TTBK2: variants seen among roughly 807,000 people sequenced by gnomAD.
The protein encoded by TTBK2 is tau-tubulin kinase 2.
In TTBK2, 28 loss-of-function variants were observed where a neutral mutation model predicts 110.8. The observed-to-expected ratio is 0.25, with a 90% CI of 0.19 to 0.35. TTBK2 has a LOEUF of 0.35. Ranked by LOEUF, TTBK2 falls within the 10% of genes least tolerant of loss-of-function variation. TTBK2 has a pLI of 1.00. For synonymous variants in TTBK2, 532 were observed against 527.3 expected (o/e 1.01, Z -0.12); for missense variants, 1,369 against 1,500.3 (o/e 0.91, Z 1.45).
At chr15:42,787,898 C>T (rs1890477212) in intron 10 of TTBK2, among the ~76,000 whole-genome samples, 1 of 152,108 alleles carries the variant, frequency 6.6e-6, no homozygotes, top group South Asian at 2.1e-4. Flanking sequence ...CAAATGATCA[C>T]AGCGTACTTA....
rs377620628 is a variant in TTBK2 at position 42,752,266 on chromosome 15, C to T, written c.2980G>A (p.Asp994Asn). 11 of 1,614,012 alleles carry T rather than the reference C, an allele frequency of 6.8e-6. No individual in the cohort carries two copies. The highest frequency in any genetic ancestry group is 4.0e-5 in the African/African-American group (3 of 74,898). ...EKRQFKSFLG[D>N]LSSASDKLLE... is the part of the protein sequence containing the mutation. Reference sequence around the variant, plus strand: ...AATTTATCAGAGGCACTTGAGAGGTCGCCAAGGAAGGACTTGAATTGTCTT... The same window carrying T: ...AATTTATCAGAGGCACTTGAGAGGTTGCCAAGGAAGGACTTGAATTGTCTT... Residue 994 changes from aspartate (D) to asparagine (N), a missense_variant, in exon 14 of 15, where the codon GAC becomes AAC. By Grantham distance (23) the Asp-to-Asn change is conservative. This residue lies in a region of TTBK2 where 1,097 missense variants were observed against 1,114.7 expected (regional missense o/e 0.98). Coordinates refer to ENST00000267890, the MANE Select transcript of TTBK2 (RefSeq NM_173500.4).
intron 12 of TTBK2, among the ~76,000 whole-genome samples, chr15:42,776,476 CAAG>C (rs1469548312): frequency 2.0e-5 from 3 of 152,224 alleles, no homozygotes; most frequent in Non-Finnish European, 4.4e-5. Flanking sequence ...ATAGATCTCT[CAAG>C]TTTCACCTTC....
At position 42,745,714 on chromosome 15, in the gene TTBK2, T is replaced by C; in HGVS notation, c.*81A>G. On this transcript the variant is annotated 3_prime_UTR_variant, in exon 15 of 15. Coordinates refer to ENST00000267890, the MANE Select transcript of TTBK2 (RefSeq NM_173500.4). ...CAAGAGAAGATCAACACTGATTTTT[T>C]TACATAGAAAGTACAGGGACACACA... The C allele has an allele frequency of 1.3e-6, 2 of 1,528,800 alleles. No homozygotes were observed. Among genetic ancestry groups the C allele is most frequent in the Non-Finnish European group, 1.8e-6 (2 of 1,104,496 alleles). 94.7% of individuals were successfully genotyped at this position (1,528,800 alleles called of 1,614,324 possible).
chr15:42,852,978 G>A (rs913543085), intron 3 of TTBK2, among the ~76,000 whole-genome samples: 1 of 152,158 alleles, frequency 6.6e-6, no homozygotes, highest in Non-Finnish European at 1.5e-5. Flanking sequence ...TCCCACAAAA[G>A]GTCCCTGTGG....
chr15:42,759,175 G>T (rs1178074744), intron 13 of TTBK2, among the ~76,000 whole-genome samples: 1 of 152,226 alleles, frequency 6.6e-6, no homozygotes, highest in African/African-American at 2.4e-5. Context: ...CTGCACAGCA[G>T]GAAAACTAAC....
chr15:42,746,269 A>G lies in TTBK2; in HGVS notation c.3273-12T>C, dbSNP rs1374564985. On this transcript the variant is annotated splice_polypyrimidine_tract_variant and intron_variant, in intron 14 of 14. Transcript: ENST00000267890. ...TATATCTGCGTAGCCTTAAAAGAAC[A>G]GAGAAAATATATTTTAATTTTAATT... 1.9e-6 allele frequency: 3 copies of G among 1,586,750 alleles called. No homozygotes were observed.
chr15:42,782,012 C>G (rs959445211), intron 11 of TTBK2, among the ~76,000 whole-genome samples: 11 of 151,914 alleles, frequency 7.2e-5, no homozygotes, highest in African/African-American at 2.7e-4. Context: ...GAATTTTTCT[C>G]CTAGATGACC....
chr15:42,866,443 A>G (rs963593312), intron 3 of TTBK2, among the ~76,000 whole-genome samples: 1 of 152,220 alleles, frequency 6.6e-6, no homozygotes, highest in Non-Finnish European at 1.5e-5. Context: ...AACTGTAAGG[A>G]GAAAGATGAA....
At chr15:42,881,439 C>T (rs896055578) in intron 1 of TTBK2, among the ~76,000 whole-genome samples, 1 of 148,546 alleles carries the variant, frequency 6.7e-6, no homozygotes, top group Non-Finnish European at 1.5e-5. Flanking sequence ...CATACGAAAG[C>T]ACAATCAATA....
At chr15:42,872,340 G>C (rs529262418) in intron 3 of TTBK2, among the ~76,000 whole-genome samples, 1 of 152,088 alleles carries the variant, frequency 6.6e-6, no homozygotes, top group African/African-American at 2.4e-5. Context: ...AATACTTTCC[G>C]AAGCAGTAAA....
chr15:42,885,901 G>A (rs1410101727), intron 1 of TTBK2, among the ~76,000 whole-genome samples: 3 of 152,026 alleles, frequency 2.0e-5, no homozygotes, highest in Non-Finnish European at 4.4e-5. Context: ...ATACCGCTTG[G>A]CCCCAATACA....
intron 13 of TTBK2, among the ~76,000 whole-genome samples, chr15:42,770,432 C>A (rs1269327745): frequency 6.6e-6 from 1 of 152,088 alleles, no homozygotes; most frequent in African/African-American, 2.4e-5. Flanking sequence ...ACAGTAGACA[C>A]TCAACAAATG....
intron 1 of TTBK2, among the ~76,000 whole-genome samples, chr15:42,900,176 C>T (rs1339444620): frequency 1.3e-5 from 2 of 150,996 alleles, no homozygotes; most frequent in East Asian, 2.0e-4. Context: ...TGTTTTTGGT[C>T]GAGACGGGGT....
intron 6 of TTBK2, among the ~76,000 whole-genome samples, chr15:42,826,434 T>C (rs1892539726): frequency 6.6e-6 from 1 of 152,196 alleles, no homozygotes; most frequent in African/African-American, 2.4e-5. Context: ...TACGGTTTTA[T>C]TGCTAAATTA....
chr15:42,788,828 A>C (rs1037579082), intron 10 of TTBK2, among the ~76,000 whole-genome samples: 4 of 152,166 alleles, frequency 2.6e-5, no homozygotes, highest in Middle Eastern at 3.2e-3. Context: ...TTTCCTTTTA[A>C]TAGGTGAGTT....
intron 6 of TTBK2, among the ~76,000 whole-genome samples, chr15:42,821,739 G>C (rs889497951): frequency 4.0e-5 from 6 of 148,576 alleles, no homozygotes; most frequent in African/African-American, 1.5e-4. Flanking sequence ...CTCCAGGCTG[G>C]AGTGCGGTGG....
chr15:42,827,024 T>C (rs1446045579), intron 6 of TTBK2, among the ~76,000 whole-genome samples: 1 of 152,172 alleles, frequency 6.6e-6, no homozygotes, highest in East Asian at 1.9e-4. Context: ...TTAGTCAAGG[T>C]ATTTATGCCC....
chr15:42,879,905 G>A (rs1215710678), intron 1 of TTBK2, among the ~76,000 whole-genome samples: 1 of 151,586 alleles, frequency 6.6e-6, no homozygotes, highest in African/African-American at 2.4e-5. Flanking sequence ...TCTGAGCGGG[G>A]AGGATCACAT....
intron 4 of TTBK2, among the ~76,000 whole-genome samples, chr15:42,838,646 T>A (rs1375890286): frequency 6.6e-6 from 1 of 151,900 alleles, no homozygotes; most frequent in Non-Finnish European, 1.5e-5. Context: ...TGAAATCCCA[T>A]CTCTACTAAA....
Sources: gnomAD v4.1 joint callset for allele counts (sites outside exome capture counted in the v4.1 genomes callset) on GRCh38, gnomAD v4.1.1 for gene constraint, gnomAD v4.1.1 regional missense constraint, MANE v1.5 for transcripts, NCBI Gene and HGNC (gene_info 2026-07-23, HGNC 2026-07-21) for gene names.